Variants in GTPBP6 observed in about 807,000 individuals in gnomAD.
GTPBP6 encodes GTP binding protein 6.
Under a neutral mutation model 28.9 loss-of-function variants are expected in GTPBP6, and 33 were observed. The ratio of observed to expected loss-of-function variants is 1.14; its 90% CI spans 0.87 to 1.53. GTPBP6 has a LOEUF of 1.53. GTPBP6 is among the 40% of genes most tolerant of loss of function. The probability of loss-of-function intolerance (pLI) is 0.00; values close to 1 mark genes in which losing one functional copy is unlikely to be tolerated. For missense variants in GTPBP6, 507 were observed against 408.3 expected, an observed-to-expected ratio of 1.24 and a Z score of -2.08; for synonymous variants, 231 against 192.7, an observed-to-expected ratio of 1.20 and a Z score of -1.65.
In GTPBP6 at chrX:314,179, C is replaced by G. The variant is rs771611132; in HGVS notation, c.728G>C (p.Gly243Ala). Residue 243 changes from glycine (G) to alanine (A), a missense_variant, in exon 5 of 10, where the codon GGA becomes GCA. Gly to Ala is a moderately conservative substitution (Grantham distance 60). Transcript: ENST00000326153. The stretch of plus-strand genomic sequence containing the variant: ...CCCCATGATGTAGCGCGAGCCGACT[C>G]CTCGGTACAGGTGGGCGACGTCCCT... The G allele has an allele frequency of 8.1e-6, 13 of 1,613,488 alleles. 1 individual carries two copies. Among genetic ancestry groups the G allele is most frequent in the African/African-American group, 1.3e-5 (1 of 74,860 alleles).
At position 315,730 on chromosome X, in the gene GTPBP6, G is replaced by GAC. The variant is rs1307060774; in HGVS notation, c.488-433_488-432dup. The stretch of plus-strand genomic sequence containing the variant: ...CAGTAAATACATCCCGACAGGGACA[G>GAC]ACACACACACAGACACATACACAGA... On this transcript the variant is annotated intron_variant, in intron 2 of 9. Transcript: ENST00000326153. Among the ~76,000 whole-genome samples, 8 of 8,532 alleles carry GAC rather than the reference G, an allele frequency of 9.4e-4. 1 individual carries two copies. Among genetic ancestry groups the GAC allele is most frequent in the Admixed American group, 2.0e-3 (1 of 496 alleles). 5.6% of individuals were successfully genotyped at this position (8,532 alleles called of 152,430 possible).
intron 1 of GTPBP6, among the ~76,000 whole-genome samples, chrX:317,720 CA>C (rs2070465466): frequency 1.5e-5 from 2 of 135,096 alleles, no homozygotes; most frequent in Admixed American, 7.4e-5. Context: ...CACCCCACCC[CA>C]CCCCACCCCA....
At chrX:307,742 G>T in exon 8 of GTPBP6, 1 of 1,489,286 alleles carries the variant, frequency 6.7e-7, no homozygotes, top group Non-Finnish European at 8.9e-7. Flanking sequence ...CCGGGCACGA[G>T]GTCCACCTTG....
At chrX:315,427 G>A (rs2070411561) in intron 2 of GTPBP6, 128 bp from the exon 3 acceptor site, 2 of 398,492 alleles carry the variant, frequency 5.0e-6, no homozygotes, top group Non-Finnish European at 4.4e-6. Flanking sequence ...GACTTCCTGA[G>A]CACGAGACCC....
At chrX:311,180 C>A (rs2070280004) in intron 7 of GTPBP6, among the ~76,000 whole-genome samples, 1 of 151,948 alleles carries the variant, frequency 6.6e-6, no homozygotes, top group African/African-American at 2.4e-5. Flanking sequence ...TGTTCCGGCC[C>A]CGAGTTGGGT....
intron 7 of GTPBP6, 54 bp downstream of exon 7, chrX:311,365 C>T (rs1323666356): frequency 9.9e-6 from 13 of 1,312,336 alleles, no homozygotes; most frequent in Non-Finnish European, 1.4e-5. Context: ...GAGTGCCCAG[C>T]CCCCGTGCCG....
exon 10 of GTPBP6, chrX:304,872 C>T (rs1384624495): frequency 1.1e-4 from 152 of 1,434,938 alleles, no homozygotes; most frequent in Non-Finnish European, 1.2e-4. Context: ...AGTGGACGCT[C>T]GGGCGGCCCG....
At chrX:309,210 T>C (rs1236206565) in intron 7 of GTPBP6, among the ~76,000 whole-genome samples, 1 of 152,182 alleles carries the variant, frequency 6.6e-6, no homozygotes, top group Non-Finnish European at 1.5e-5. Flanking sequence ...GCCTTGTTGC[T>C]TGACAATATT....
At chrX:311,020 A>G (rs1426160436) in intron 7 of GTPBP6, among the ~76,000 whole-genome samples, 2 of 152,076 alleles carry the variant, frequency 1.3e-5, no homozygotes, top group East Asian at 3.9e-4. Context: ...CCGGGAGAGG[A>G]CTGACGGCCG....
intron 7 of GTPBP6, among the ~76,000 whole-genome samples, chrX:309,324 C>T (rs1174614238): frequency 2.0e-5 from 3 of 152,156 alleles, no homozygotes; most frequent in Non-Finnish European, 2.9e-5. Flanking sequence ...AACAGCACCC[C>T]GCCCCCAAAT....
At chrX:311,875 G>T (rs1477945388) in intron 6 of GTPBP6, 20 of 606,130 alleles carry the variant, frequency 3.3e-5, no homozygotes, top group Non-Finnish European at 5.9e-5. Context: ...GTGGACGGGT[G>T]TGCGTGTGAA....
In GTPBP6 at chrX:305,371, G is replaced by C. The variant is rs1343941669; in HGVS notation, c.1428-174C>G. On this transcript the variant is annotated intron_variant, in intron 9 of 9. Transcript: ENST00000326153. Reference sequence around the variant, plus strand: ...GAGTCTCACTCTGTCGCGTAGGCTGGAGTGCAGTGGCGCGATCTCAGCTCA... The same window carrying C: ...GAGTCTCACTCTGTCGCGTAGGCTGCAGTGCAGTGGCGCGATCTCAGCTCA... Among the ~76,000 whole-genome samples the C allele has an allele frequency of 3.1e-4, 46 of 149,718 alleles. No individual in the cohort carries two copies. In the East Asian group the frequency reaches 5.5e-3, roughly 18 times the overall value.
At chrX:310,573 G>A in intron 7 of GTPBP6, among the ~76,000 whole-genome samples, 1 of 138,834 alleles carries the variant, frequency 7.2e-6, no homozygotes, top group Non-Finnish European at 1.5e-5. Flanking sequence ...TCCTGGATTA[G>A]GGTGGACCCT....
At chrX:312,012 A>T in intron 6 of GTPBP6, 1 of 506,328 alleles carries the variant, frequency 2.0e-6, no homozygotes, top group Non-Finnish European at 3.7e-6. Context: ...GTGATGGTGT[A>T]GATGGGTGGA....
At chrX:316,682 C>G (rs1303378080) in intron 2 of GTPBP6, among the ~76,000 whole-genome samples, 4 of 152,164 alleles carry the variant, frequency 2.6e-5, no homozygotes, top group African/African-American at 7.2e-5. Context: ...CCGACCTAAT[C>G]TTTACCAGTT....
Position 307,249 on chromosome X carries a change from A to G in GTPBP6, c.1427+111T>C, listed in dbSNP as rs28585017. 33,773 of 967,720 alleles carry G rather than the reference A, an allele frequency of 0.035. 4,449 individuals are homozygous for G. In the African/African-American group the frequency reaches 0.37, roughly 11 times the overall value. The allele number at this position is 967,720 out of a possible 1,614,324, so 59.9% of individuals were successfully genotyped here. ...CCCATTCATCTCGTCTGTACATCCT[A>G]AAGCTCTCGGGGATCTCACAGCTCC... On this transcript the variant is annotated intron_variant, in intron 9 of 9. Transcript: ENST00000326153.
At chrX:305,189 T>C (rs755588840) in exon 10 of GTPBP6, 2 of 1,613,330 alleles carry the variant, frequency 1.2e-6, no homozygotes, top group Non-Finnish European at 1.7e-6. Context: ...GGCCTCCTTA[T>C]ACAGCCAGCT....
intron 5 of GTPBP6, among the ~76,000 whole-genome samples, 162 bp from the exon 6 acceptor site, chrX:313,086 T>A (rs940240854): frequency 5.3e-5 from 8 of 152,164 alleles, no homozygotes. Context: ...TCCTGTTCCA[T>A]GAGAAAGGGC....
chrX:310,904 G>A (rs768204030), intron 7 of GTPBP6, among the ~76,000 whole-genome samples: 42 of 150,228 alleles, frequency 2.8e-4, no homozygotes, highest in East Asian at 1.2e-3. Context: ...TGCTGTGTCC[G>A]CCACTGCCCG....
Sources: gnomAD v4.1 joint callset for allele counts (sites outside exome capture counted in the v4.1 genomes callset) on GRCh38, gnomAD v4.1.1 for gene constraint, MANE v1.5 for transcripts, NCBI Gene and HGNC (gene_info 2026-07-23, HGNC 2026-07-21) for gene names.